MTRES1: variants seen among roughly 807,000 people sequenced by gnomAD.
MTRES1 encodes the protein mitochondrial transcription rescue factor 1.
In MTRES1, 11 loss-of-function variants were observed where a neutral mutation model predicts 17.4. The ratio of observed to expected loss-of-function variants is 0.63; its 90% CI spans 0.40 to 1.05. The LOEUF is 1.05. Ranked by LOEUF, MTRES1 falls within the 50% of genes least tolerant of loss-of-function variation. MTRES1 has a pLI of 0.00. For synonymous variants in MTRES1, 94 were observed against 99.6 expected, an observed-to-expected ratio of 0.94 and a Z score of 0.34; for missense variants, 268 against 276.2, an observed-to-expected ratio of 0.97 and a Z score of 0.21.
chr6:107,044,199 C>G, intron 2 of MTRES1, 61 bp from the exon 3 acceptor site: 1 of 1,172,160 alleles, frequency 8.5e-7, no homozygotes, highest in Non-Finnish European at 1.3e-6. Flanking sequence ...GTGATGAAGT[C>G]TGGGCTTGAG....
chr6:107,036,362 G>A (rs1351053400), intron 1 of MTRES1, among the ~76,000 whole-genome samples: 1 of 151,932 alleles, frequency 6.6e-6, no homozygotes, highest in East Asian at 1.9e-4. Flanking sequence ...TGACCAATAT[G>A]GAGAAACCCC....
At chr6:107,046,494 G>A (rs2114969378) in intron 3 of MTRES1, among the ~76,000 whole-genome samples, 1 of 152,268 alleles carries the variant, frequency 6.6e-6, no homozygotes, top group East Asian at 1.9e-4. Flanking sequence ...TTACTAGGAG[G>A]CCTGGTAGCC....
At position 107,040,074 on chromosome 6, in the gene MTRES1, A is replaced by G; in HGVS notation, c.314A>G (p.Asp105Gly). Residue 105 changes from aspartate (D) to glycine (G), a missense_variant, in exon 2 of 4, where the codon GAC (aspartate) becomes GGC (glycine). Transcript: ENST00000311381. ...KKSLQKVDEE[D>G]SDEESHHDEM... ...TCTCTGCAAAAAGTAGATGAAGAGG[A>G]CTCTGATGAAGAAAGCCATCATGAT... The G allele has an allele frequency of 6.2e-7, 1 of 1,613,766 alleles. No individual in the cohort carries two copies. Among genetic ancestry groups the G allele is most frequent in the Non-Finnish European group, 8.5e-7 (1 of 1,179,986 alleles).
At chr6:107,029,925 C>T (rs535172341) in intron 1 of MTRES1, 89 of 627,728 alleles carry the variant, frequency 1.4e-4, no homozygotes, top group Non-Finnish European at 2.4e-4. Flanking sequence ...CTCTCAATCC[C>T]CCTTACCCTG....
intron 1 of MTRES1, among the ~76,000 whole-genome samples, chr6:107,030,371 C>T (rs1034164648): frequency 3.3e-5 from 5 of 152,154 alleles, no homozygotes; most frequent in Non-Finnish European, 7.3e-5. Context: ...TCCCCAGGTT[C>T]ATTGATTCAC....
chr6:107,031,445 CTTTTCTT>C (rs1298698659), intron 1 of MTRES1, among the ~76,000 whole-genome samples: 10 of 5,150 alleles, frequency 1.9e-3, no homozygotes, highest in Admixed American at 4.7e-3. Flanking sequence ...GCAAAGGAGT[CTTTTCTT>C]TTTTTTTTTT....
At chr6:107,035,085 C>T (rs554938820) in intron 1 of MTRES1, among the ~76,000 whole-genome samples, 1 of 152,214 alleles carries the variant, frequency 6.6e-6, no homozygotes, top group South Asian at 2.1e-4. Flanking sequence ...TGTTTGTACT[C>T]ATCTGCAAAA....
intron 1 of MTRES1, among the ~76,000 whole-genome samples, chr6:107,034,007 A>G (rs531901057): frequency 1.3e-5 from 2 of 152,354 alleles, no homozygotes; most frequent in South Asian, 2.1e-4. Context: ...TTTGCCTGCT[A>G]GAAAGTTAAG....
intron 2 of MTRES1, among the ~76,000 whole-genome samples, chr6:107,041,204 G>T (rs9486503): frequency 0.62 from 91,888 of 147,224 alleles, 28,651 homozygotes; most frequent in Admixed American, 0.67. Context: ...CAGCCTGGGC[G>T]ACAGAGCAAG....
At chr6:107,040,403 A>G in intron 2 of MTRES1, 173 bp downstream of exon 2, 1 of 487,974 alleles carries the variant, frequency 2.0e-6, no homozygotes, top group Non-Finnish European at 3.4e-6. Flanking sequence ...ATTTCCAAAG[A>G]AGTCAAGTGA....
Position 107,031,942 on chromosome 6 carries a change from GA to G in MTRES1, c.-13+3673del, listed in dbSNP as rs544075701. 1.2e-4 allele frequency among the ~76,000 whole-genome samples: 18 copies of G among 152,188 alleles called. No homozygotes were observed. In the South Asian group the frequency reaches 3.7e-3, roughly 32 times the overall value. ...GAAGCAGCAGCCACAGGAGAGACAG[GA>G]AGAAAACCAAGAGTAAGGTGTCTTG... On this transcript the variant is annotated intron_variant, in intron 1 of 3. Coordinates refer to ENST00000311381, the MANE Select transcript of MTRES1 (RefSeq NM_016487.5).
chr6:107,046,930 TTGTGTGTGTGTG>T lies in MTRES1; in HGVS notation c.543+2634_543+2645del, dbSNP rs67662472. 3.5e-3 allele frequency among the ~76,000 whole-genome samples: 114 copies of T among 33,018 alleles called. 1 individual carries two copies. Among genetic ancestry groups the T allele is most frequent in the African/African-American group, 7.3e-3 (109 of 14,868 alleles). The allele number at this position is 33,018 out of a possible 152,430, so 21.7% of individuals were successfully genotyped here. On this transcript the variant is annotated intron_variant, in intron 3 of 3. Coordinates refer to ENST00000311381, the MANE Select transcript of MTRES1 (RefSeq NM_016487.5). The stretch of plus-strand genomic sequence containing the variant: ...AAGGAAGCTCCAAAGGGATTCATTC[TTGTGTGTGTGTG>T]TGTGTGTGTGTGTGTGTGTGTGTGT...
At chr6:107,029,496 G>T (rs1432201934) in intron 1 of MTRES1, among the ~76,000 whole-genome samples, 11 of 126,586 alleles carry the variant, frequency 8.7e-5, no homozygotes, top group African/African-American at 2.6e-4. Context: ...CTGTTTTGTT[G>T]TTTTTTTTTT....
intron 2 of MTRES1, among the ~76,000 whole-genome samples, chr6:107,041,141 T>C (rs955812845): frequency 2.3e-4 from 33 of 143,516 alleles, no homozygotes; most frequent in African/African-American, 2.9e-4. Context: ...AGGAGAATGG[T>C]GGGAACCCGG....
intron 3 of MTRES1, among the ~76,000 whole-genome samples, chr6:107,047,096 C>T (rs1295734634): frequency 6.6e-6 from 1 of 152,012 alleles, no homozygotes; most frequent in African/African-American, 2.4e-5. Flanking sequence ...GCCACCACAC[C>T]CCGCCAAAGG....
intron 2 of MTRES1, among the ~76,000 whole-genome samples, chr6:107,043,600 G>C (rs1582611820): frequency 2.7e-5 from 1 of 37,200 alleles, no homozygotes; most frequent in Non-Finnish European, 8.1e-5. Flanking sequence ...AAATCATAAG[G>C]AAGTGAAAAT....
rs1554227431 is a variant in MTRES1, at chr6:107,039,941, A to G, written c.181A>G (p.Asn61Asp). 1.9e-6 allele frequency: 3 copies of G among 1,613,836 alleles called. No individual in the cohort carries two copies. The highest frequency in any genetic ancestry group is 1.3e-5 in the African/African-American group (1 of 75,042). ...RAPNYKTLFY[N>D]IFSLRLPGLL... Reference sequence around the variant, plus strand: ...ACCAAATTATAAAACACTTTTTTATAATATTTTCTCACTGAGACTCCCAGG... The same window carrying G: ...ACCAAATTATAAAACACTTTTTTATGATATTTTCTCACTGAGACTCCCAGG... Residue 61 changes from asparagine to aspartate, a missense_variant, in exon 2 of 4, where the codon AAT (asparagine) becomes GAT (aspartate). Coordinates refer to ENST00000311381, the MANE Select transcript of MTRES1 (RefSeq NM_016487.5).
In MTRES1 at chr6:107,034,310, G is replaced by T. The variant is rs181131977; in HGVS notation, c.-12-5439G>T. Among the ~76,000 whole-genome samples the T allele has an allele frequency of 1.6e-4, 25 of 152,210 alleles. No homozygotes were observed. In the East Asian group the frequency reaches 4.4e-3, roughly 27 times the overall value. The stretch of plus-strand genomic sequence containing the variant: ...TGGATGGGGAGTGTGGGCACCCAGG[G>T]TCTGACACAGAAACAGGACTACTTC... On this transcript the variant is annotated intron_variant, in intron 1 of 3. Coordinates refer to ENST00000311381, the MANE Select transcript of MTRES1 (RefSeq NM_016487.5).
intron 1 of MTRES1, 155 bp downstream of exon 1, chr6:107,028,426 G>T (rs1773710999): frequency 1.3e-5 from 2 of 152,292 alleles, no homozygotes; most frequent in Admixed American, 1.3e-4. Flanking sequence ...GGGCTGCGCA[G>T]GGACTGTGGT....
Sources: allele counts gnomAD v4.1 joint callset (sites outside exome capture counted in the v4.1 genomes callset), GRCh38; gene constraint gnomAD v4.1.1; transcripts MANE v1.5; gene names NCBI Gene and HGNC (gene_info 2026-07-23, HGNC 2026-07-21).